Variants in MAK observed in about 807,000 individuals in gnomAD.
MAK encodes the protein male germ cell associated kinase, also known as serine/threonine-protein kinase MAK.
A neutral mutation model predicts 82.6 loss-of-function variants in MAK; 65 were observed. The observed-to-expected ratio is 0.79, with a 90% CI of 0.64 to 0.97. The LOEUF is 0.97. MAK is among the 50% of genes least tolerant of loss of function. MAK has a pLI of 0.00. For missense variants in MAK, 703 were observed against 780.2 expected (o/e 0.90, Z 1.18); for synonymous variants, 250 against 274.2 (o/e 0.91, Z 0.87).
intron 9 of MAK, among the ~76,000 whole-genome samples, chr6:10,792,202 G>C (rs917791809): frequency 2.0e-5 from 3 of 152,130 alleles, no homozygotes; most frequent in African/African-American, 7.2e-5. Flanking sequence ...CCTTAAGTGG[G>C]GACAGCCTTA....
At chr6:10,820,456 G>A (rs1777860933) in intron 2 of MAK, among the ~76,000 whole-genome samples, 1 of 152,092 alleles carries the variant, frequency 6.6e-6, no homozygotes. Flanking sequence ...TATGACTTTG[G>A]ACAAGTCACC....
At position 10,796,261 on chromosome 6, in the gene MAK, A is replaced by T; in HGVS notation, c.880T>A (p.Ser294Thr). Reference sequence around the variant, plus strand: ...GACTGTTTTGATTCCAGATGATTTGACGAAGGGCCTAATACCTGACCAACT... The same window carrying T: ...GACTGTTTTGATTCCAGATGATTTGTCGAAGGGCCTAATACCTGACCAACT... ...FQVGQVLGPSSNHLESKQSLN... is the reference protein window; with the variant it reads ...FQVGQVLGPSTNHLESKQSLN... The change falls in exon 9 of 15, where the codon TCA (serine) becomes ACA (threonine). Residue 294 changes from serine to threonine, a missense_variant. Transcript: ENST00000354489. 1.2e-6 allele frequency: 2 copies of T among 1,614,138 alleles called. No homozygotes were observed. Among genetic ancestry groups the T allele is most frequent in the Non-Finnish European group, 1.7e-6 (2 of 1,180,024 alleles).
At chr6:10,822,379 G>A (rs1581759590) in intron 2 of MAK, among the ~76,000 whole-genome samples, 1 of 151,798 alleles carries the variant, frequency 6.6e-6, no homozygotes, top group Non-Finnish European at 1.5e-5. Flanking sequence ...GCTTGAACCT[G>A]GGAGGCAGAA....
At chr6:10,829,242 A>G (rs943266302) in intron 2 of MAK, 4 of 152,252 alleles carry the variant, frequency 2.6e-5, no homozygotes, top group African/African-American at 9.6e-5. Flanking sequence ...GCAGCAATAG[A>G]TAAACACAGT....
chr6:10,802,234 A>C, intron 7 of MAK, 175 bp from the exon 8 acceptor site: 1 of 577,674 alleles, frequency 1.7e-6, no homozygotes, highest in Non-Finnish European at 3.0e-6. Flanking sequence ...GTGCTACGAC[A>C]GTATAGAAAG....
intron 8 of MAK, 21 bp downstream of exon 8, chr6:10,801,871 T>C (rs1687122910): frequency 6.2e-7 from 1 of 1,612,668 alleles, no homozygotes; most frequent in South Asian, 1.1e-5. Flanking sequence ...TTTAAAGGTC[T>C]AACAGGAAGA....
At chr6:10,794,801 G>T (rs578235) in intron 9 of MAK, among the ~76,000 whole-genome samples, 128,422 of 152,012 alleles carry the variant, frequency 0.84, 54,635 homozygotes, top group African/African-American at 0.96. Flanking sequence ...AAGACCAGCC[G>T]GACCAACATG....
rs559908259 is a variant in MAK, at chr6:10,793,758, A to G, written c.1144-1911T>C. 6.6e-6 allele frequency among the ~76,000 whole-genome samples: 1 copy of G among 152,094 alleles called. No individual in the cohort carries two copies. The highest frequency in any genetic ancestry group is 2.1e-4 in the South Asian group (1 of 4,828). On this transcript the variant is annotated intron_variant, in intron 9 of 14. Transcript: ENST00000354489. This position sits in a 1 kb window ranked among gnomAD's most constrained non-coding sequence, Gnocchi z 4.6. ...CGCATATGCATGGCACTTGGAAGCT[A>G]CTCAATAAATATTAACTTCCTTTCC... is the stretch of plus-strand genomic sequence containing the variant.
Position 10,764,469 on chromosome 6 carries a change from A to G in MAK, c.1930T>C (p.Tyr644His), listed in dbSNP as rs1581624496. Residue 644 changes from tyrosine to histidine, a missense_variant, in exon 15 of 15, where the codon TAT becomes CAT. Tyr to His is a moderately conservative substitution (Grantham distance 83). Transcript: ENST00000354489. Reference sequence around the variant, plus strand: ...ATAGACTCCTACCGGTGGCCTCCATACTTGGCCACCCAGTCTGTCCTCCCA... The same window carrying G: ...ATAGACTCCTACCGGTGGCCTCCATGCTTGGCCACCCAGTCTGTCCTCCCA... ...VHGRTDWVAK[Y>H]GGHR 6.2e-7 allele frequency: 1 copy of G among 1,614,020 alleles called. No individual in the cohort carries two copies. The highest frequency in any genetic ancestry group is 8.5e-7 in the Non-Finnish European group (1 of 1,179,966).
rs1047764883 is a variant in MAK at position 10,800,892 on chromosome 6, A to G, written c.831+1000T>C. ...CTGTGAGTTGTAAAGTATGGTGAGC[A>G]GTAAGGACCTCAATTTATTTTTTTC... On this transcript the variant is annotated intron_variant, in intron 8 of 14. Coordinates refer to ENST00000354489, the MANE Select transcript of MAK (RefSeq NM_001242957.3). The surrounding 1 kb of genome is among the most constrained non-coding windows in gnomAD (Gnocchi z 4.2). Among the ~76,000 whole-genome samples, 38 of 152,186 alleles carry G rather than the reference A, an allele frequency of 2.5e-4. 1 individual carries two copies. The highest frequency in any genetic ancestry group is 1.3e-4 in the Non-Finnish European group (9 of 68,038).
rs1467892438 is a variant in MAK at position 10,791,844 on chromosome 6, G to C, written c.1147C>G (p.Pro383Ala). The C allele has an allele frequency of 6.2e-7, 1 of 1,613,954 alleles. No homozygotes were observed. The highest frequency in any genetic ancestry group is 1.3e-5 in the African/African-American group (1 of 74,916). Residue 383 changes from proline to alanine, a missense_variant, in exon 10 of 15, where the codon CCA becomes GCA. Transcript: ENST00000354489. ...CTTTTATGACTCAGTGTGCCATTTG[G>C]CTTCTGTGGTGGAAAATCAGTCATC... ...PSIVKNMPTK[P>A]NGTLSHKSGR... is the part of the protein sequence containing the mutation.
At chr6:10,819,985 A>G (rs1210861561) in intron 2 of MAK, among the ~76,000 whole-genome samples, 1 of 150,084 alleles carries the variant, frequency 6.7e-6, no homozygotes, top group African/African-American at 2.5e-5. Flanking sequence ...GGTGGCGGGC[A>G]CCTGTAGTCC....
At chr6:10,823,131 C>G (rs1042322281) in intron 2 of MAK, among the ~76,000 whole-genome samples, 1 of 152,184 alleles carries the variant, frequency 6.6e-6, no homozygotes, top group African/African-American at 2.4e-5. Context: ...GCAGATTACA[C>G]CACCCTGTCC....
rs1300400692 is a variant in MAK at position 10,764,574 on chromosome 6, G to T, written c.1825C>A (p.Gln609Lys). ...GGATTATAAGTACGTCCTGAAAACT[G>T]CCCCCGACCAGTTTTTGTGTTCCAG... The part of the protein sequence containing the change: ...YTWNTKTGRG[Q>K]FSGRTYNPTA... The change falls in exon 15 of 15, where the codon CAG becomes AAG. Residue 609 changes from glutamine to lysine, a missense_variant. By Grantham distance (53) the Gln-to-Lys change is moderately conservative. Coordinates refer to ENST00000354489, the MANE Select transcript of MAK (RefSeq NM_001242957.3). 2 of 1,613,764 alleles carry T rather than the reference G, an allele frequency of 1.2e-6. No homozygotes were observed. The highest frequency in any genetic ancestry group is 2.7e-5 in the African/African-American group (2 of 74,886).
chr6:10,820,507 C>T (rs1418972233), intron 2 of MAK, among the ~76,000 whole-genome samples: 2 of 152,148 alleles, frequency 1.3e-5, no homozygotes, highest in African/African-American at 4.8e-5. Context: ...GCTAGCCATA[C>T]AGTAGAAACT....
intron 8 of MAK, among the ~76,000 whole-genome samples, chr6:10,798,605 AT>A (rs1271410939): frequency 2.0e-5 from 3 of 152,116 alleles, no homozygotes; most frequent in African/African-American, 7.2e-5. Flanking sequence ...CAAGACTAAC[AT>A]TTTTTATACT....
intron 8 of MAK, chr6:10,797,662 T>A: frequency 1.0e-6 from 1 of 985,466 alleles, no homozygotes; most frequent in Non-Finnish European, 1.2e-6. Flanking sequence ...TTCCTTAAGA[T>A]GGTCAAGCTC....
At chr6:10,783,723 A>G (rs1305442476) in intron 11 of MAK, among the ~76,000 whole-genome samples, 1 of 152,088 alleles carries the variant, frequency 6.6e-6, no homozygotes, top group East Asian at 1.9e-4. Flanking sequence ...AATCTTTTAA[A>G]AATATACACC....
chr6:10,826,005 T>C lies in MAK; in HGVS notation c.101+4543A>G, dbSNP rs544249618. Among the ~76,000 whole-genome samples, 14 of 152,248 alleles carry C rather than the reference T, an allele frequency of 9.2e-5. No individual in the cohort carries two copies. The South Asian group carries it at 2.9e-3, about 32-fold the overall frequency. On this transcript the variant is annotated intron_variant, in intron 2 of 14. Transcript: ENST00000354489. ...AGCCAGTTCCAAAAATTTGATCACATCAACAATTCTGCTGAAAATCCTTCA... is the reference window on the plus strand; with the variant it reads ...AGCCAGTTCCAAAAATTTGATCACACCAACAATTCTGCTGAAAATCCTTCA...
Sources: gnomAD v4.1 joint callset for allele counts (sites outside exome capture counted in the v4.1 genomes callset) on GRCh38, gnomAD v4.1.1 for gene constraint, Gnocchi (gnomAD v3.1) non-coding constraint, MANE v1.5 for transcripts, NCBI Gene and HGNC (gene_info 2026-07-23, HGNC 2026-07-21) for gene names.